FAM184A: variants seen among roughly 807,000 people sequenced by gnomAD.
FAM184A encodes the protein family with sequence similarity 184 member A.
In FAM184A, 99 loss-of-function variants were observed where a neutral mutation model predicts 143.8. The observed-to-expected ratio is 0.69, with a 90% CI of 0.58 to 0.81. FAM184A has a LOEUF of 0.81. Ranked by LOEUF, FAM184A falls within the 40% of genes least tolerant of loss-of-function variation. FAM184A has a pLI of 0.00. For missense variants in FAM184A, 1,217 were observed against 1,310.5 expected (o/e 0.93, Z 1.10); for synonymous variants, 427 against 446.4 (o/e 0.96, Z 0.55).
chr6:118,978,647 T>C (rs1199809079), intron 11 of FAM184A, among the ~76,000 whole-genome samples: 1 of 152,198 alleles, frequency 6.6e-6, no homozygotes, highest in Non-Finnish European at 1.5e-5. Flanking sequence ...GTCAGACGGC[T>C]TTCCCTTTGA....
intron 9 of FAM184A, among the ~76,000 whole-genome samples, chr6:118,992,974 G>A (rs1261744793): frequency 1.3e-5 from 2 of 152,126 alleles, no homozygotes; most frequent in African/African-American, 2.4e-5. Flanking sequence ...TTGTTTTAAA[G>A]CCATCCAATC....
intron 9 of FAM184A, among the ~76,000 whole-genome samples, chr6:118,981,165 A>T (rs1784008440): frequency 6.7e-6 from 1 of 149,926 alleles, no homozygotes; most frequent in Admixed American, 6.7e-5. Flanking sequence ...AATATACTTA[A>T]AATTAAGTAT....
chr6:118,980,467 T>C, intron 9 of FAM184A, 117 bp from the exon 10 acceptor site: 1 of 706,414 alleles, frequency 1.4e-6, no homozygotes, highest in African/African-American at 1.8e-5. Context: ...ACTGCCTTAA[T>C]GTTTCCATTT....
At chr6:119,133,339 C>A (rs1789584014) in intron 1 of FAM184A, among the ~76,000 whole-genome samples, 1 of 151,974 alleles carries the variant, frequency 6.6e-6, no homozygotes, top group Non-Finnish European at 1.5e-5. Context: ...AAGTAATTGT[C>A]ACAGCTTAAG....
intron 1 of FAM184A, among the ~76,000 whole-genome samples, chr6:119,119,897 T>C (rs1789166199): frequency 6.6e-6 from 1 of 152,078 alleles, no homozygotes; most frequent in South Asian, 2.1e-4. Context: ...GTTGAGAGGA[T>C]TGCTTGAGCC....
At chr6:119,144,349 A>G (rs907410152) in intron 1 of FAM184A, among the ~76,000 whole-genome samples, 6 of 151,460 alleles carry the variant, frequency 4.0e-5, no homozygotes, top group African/African-American at 7.3e-5. Flanking sequence ...AAAAAAAAAA[A>G]AAAGAAAATA....
chr6:119,084,141 C>G (rs1788150915), intron 1 of FAM184A, among the ~76,000 whole-genome samples: 1 of 152,040 alleles, frequency 6.6e-6, no homozygotes, highest in Non-Finnish European at 1.5e-5. Context: ...ACCATCAGAT[C>G]TCATGAGAAC....
intron 1 of FAM184A, among the ~76,000 whole-genome samples, chr6:119,053,621 G>A (rs1381284074): frequency 2.0e-5 from 3 of 152,150 alleles, no homozygotes; most frequent in Admixed American, 2.0e-4. Flanking sequence ...GTAGGATGTA[G>A]TATAAGAATC....
rs186790190 is a variant in FAM184A, at chr6:119,049,811, G to A, written c.160-24998C>T. 1.5e-3 allele frequency among the ~76,000 whole-genome samples: 227 copies of A among 152,212 alleles called. 1 individual carries two copies. The highest frequency in any genetic ancestry group is 4.9e-3 in the African/African-American group (203 of 41,538). On this transcript the variant is annotated intron_variant, in intron 1 of 17. Transcript: ENST00000338891. ...TGACAAGGACACCAAAAACAATCACGACAAAAGCCAAAATTGACAAGTGGG... is the reference window on the plus strand; with the variant it reads ...TGACAAGGACACCAAAAACAATCACAACAAAAGCCAAAATTGACAAGTGGG...
intron 1 of FAM184A, among the ~76,000 whole-genome samples, chr6:119,106,216 T>C (rs548919965): frequency 2.1e-5 from 3 of 145,414 alleles, no homozygotes; most frequent in Middle Eastern, 3.4e-3. Flanking sequence ...CACGGTGAAA[T>C]CCCGTCTCTA....
intron 1 of FAM184A, among the ~76,000 whole-genome samples, chr6:119,060,151 T>C (rs1021369994): frequency 6.6e-6 from 1 of 152,192 alleles, no homozygotes; most frequent in African/African-American, 2.4e-5. Context: ...TTAGGTACTG[T>C]TTGAGGCCAG....
chr6:118,974,690 A>T (rs898830962), intron 13 of FAM184A, 116 bp from the exon 14 acceptor site: 2 of 847,024 alleles, frequency 2.4e-6, no homozygotes, highest in African/African-American at 3.5e-5. Flanking sequence ...AAATTTATGT[A>T]AACAGCCTAA....
At chr6:118,966,287 T>G (rs1783498962) in intron 15 of FAM184A, among the ~76,000 whole-genome samples, 1 of 152,212 alleles carries the variant, frequency 6.6e-6, no homozygotes, top group African/African-American at 2.4e-5. Context: ...GAACCCAGTG[T>G]TACTGACTTT....
chr6:119,039,694 A>C (rs1582541162), intron 1 of FAM184A, among the ~76,000 whole-genome samples: 1 of 151,906 alleles, frequency 6.6e-6, no homozygotes, highest in Admixed American at 6.6e-5. Context: ...GCTCTGCCCC[A>C]CCCCCCACTA....
intron 1 of FAM184A, among the ~76,000 whole-genome samples, chr6:119,146,245 G>A (rs540577607): frequency 6.6e-6 from 1 of 152,086 alleles, no homozygotes; most frequent in Non-Finnish European, 1.5e-5. Context: ...GCTGAGTATA[G>A]ATATGGCCAA....
chr6:119,012,594 A>G (rs1453160218), intron 5 of FAM184A, among the ~76,000 whole-genome samples: 1 of 152,248 alleles, frequency 6.6e-6, no homozygotes, highest in Non-Finnish European at 1.5e-5. Flanking sequence ...AAAGCTCATG[A>G]GAGACTTAGT....
intron 1 of FAM184A, among the ~76,000 whole-genome samples, chr6:119,050,510 A>C (rs1786713227): frequency 6.6e-6 from 1 of 151,908 alleles, no homozygotes; most frequent in African/African-American, 2.4e-5. Context: ...GCCATAAAAA[A>C]AAAATGAGAT....
chr6:118,986,330 A>G (rs1403997117), intron 9 of FAM184A, among the ~76,000 whole-genome samples: 1 of 152,162 alleles, frequency 6.6e-6, no homozygotes, highest in East Asian at 1.9e-4. Flanking sequence ...GTCCCCAATC[A>G]TCCTCTTATT....
chr6:118,977,816 T>C (rs901769305), intron 11 of FAM184A, among the ~76,000 whole-genome samples: 11 of 152,186 alleles, frequency 7.2e-5, no homozygotes, highest in African/African-American at 2.4e-4. Flanking sequence ...TGTACCATAG[T>C]TCTGCAAGAT....
Sources: allele counts gnomAD v4.1 joint callset (sites outside exome capture counted in the v4.1 genomes callset), GRCh38; gene constraint gnomAD v4.1.1; transcripts MANE v1.5; gene names NCBI Gene and HGNC (gene_info 2026-07-23, HGNC 2026-07-21).